The following PKNOX2 variants were observed in gnomAD, a reference collection of about 807,000 sequenced individuals.
PKNOX2 encodes the protein PBX/knotted 1 homeobox 2, also known as homeobox protein PKNOX2.
A neutral mutation model predicts 53.1 loss-of-function variants in PKNOX2; 14 were observed. That is an observed-to-expected ratio of 0.26 (90% CI 0.17 to 0.41). PKNOX2 has a LOEUF of 0.41. PKNOX2 is among the 10% of genes least tolerant of loss of function. PKNOX2 has a pLI of 1.00. For synonymous variants in PKNOX2, 257 were observed against 242.8 expected, an observed-to-expected ratio of 1.06 and a Z score of -0.54; for missense variants, 496 against 602.8, an observed-to-expected ratio of 0.82 and a Z score of 1.85.
chr11:125,198,432 T>G (rs889416555), intron 1 of PKNOX2, among the ~76,000 whole-genome samples: 3 of 152,186 alleles, frequency 2.0e-5, no homozygotes, highest in Non-Finnish European at 2.9e-5. Flanking sequence ...AGAAGGACGG[T>G]GCATGGGGAC....
At chr11:125,325,110 G>A (rs1011201932) in intron 2 of PKNOX2, among the ~76,000 whole-genome samples, 3 of 152,172 alleles carry the variant, frequency 2.0e-5, no homozygotes, top group Non-Finnish European at 4.4e-5. Context: ...GAATTAAAGC[G>A]GACATTTGCT....
chr11:125,208,539 G>A (rs76046954), intron 1 of PKNOX2, among the ~76,000 whole-genome samples: 3,083 of 152,186 alleles, frequency 0.02, 80 homozygotes, highest in East Asian at 0.07. Context: ...GTCTGGGAGT[G>A]AGAAGTAATG....
intron 1 of PKNOX2, among the ~76,000 whole-genome samples, chr11:125,233,589 T>C (rs1379073867): frequency 6.6e-6 from 1 of 152,190 alleles, no homozygotes; most frequent in Admixed American, 6.5e-5. Context: ...CAGTGGTTTG[T>C]AGTCCAGTGG....
chr11:125,291,066 C>G (rs1309708873), intron 2 of PKNOX2, among the ~76,000 whole-genome samples: 5 of 152,214 alleles, frequency 3.3e-5, no homozygotes, highest in African/African-American at 1.2e-4. Context: ...TCTCTTCCCA[C>G]TTCTTGCCCT....
In PKNOX2 at chr11:125,170,582, G is replaced by A. The variant is rs560493349; in HGVS notation, c.-201+5806G>A. Among the ~76,000 whole-genome samples, 8 of 152,312 alleles carry A rather than the reference G, an allele frequency of 5.3e-5. No homozygotes were observed. The East Asian group carries it at 5.8e-4, about 11-fold the overall frequency. ...CTTGAGAAGAGCTTGCTGCAAATGC[G>A]TTGTCTTCAAGGGGATCTGCTGTTT... On this transcript the variant is annotated intron_variant, in intron 1 of 12. Coordinates refer to ENST00000298282, the MANE Select transcript of PKNOX2 (RefSeq NM_001382323.2).
intron 2 of PKNOX2, among the ~76,000 whole-genome samples, chr11:125,313,064 T>C (rs10790733): frequency 0.34 from 52,201 of 151,828 alleles, 9,374 homozygotes; most frequent in East Asian, 0.49. Context: ...ACAGGGAGCT[T>C]AGACAGCAGG....
At chr11:125,333,131 T>G (rs1334508467) in intron 3 of PKNOX2, among the ~76,000 whole-genome samples, 1 of 152,172 alleles carries the variant, frequency 6.6e-6, no homozygotes, top group Non-Finnish European at 1.5e-5. Flanking sequence ...AGGAGTTCAC[T>G]GTAGACAGCA....
At chr11:125,353,179 AC>A (rs1394180188) in intron 4 of PKNOX2, among the ~76,000 whole-genome samples, 3 of 152,064 alleles carry the variant, frequency 2.0e-5, no homozygotes, top group Non-Finnish European at 4.4e-5. Flanking sequence ...AGAGATGGAG[AC>A]CCTTCCTGTA....
At chr11:125,367,807 C>A (rs999015422) in intron 4 of PKNOX2, 39 bp from the exon 5 acceptor site, 1 of 1,594,268 alleles carries the variant, frequency 6.3e-7, no homozygotes, top group Non-Finnish European at 8.5e-7. Flanking sequence ...AGCACCCTGG[C>A]CATGCTAACC....
At chr11:125,253,905 T>C (rs1246334486) in intron 2 of PKNOX2, among the ~76,000 whole-genome samples, 3 of 152,048 alleles carry the variant, frequency 2.0e-5, no homozygotes, top group Non-Finnish European at 4.4e-5. Context: ...GGGGCGGTTG[T>C]CAGGAACACA....
chr11:125,307,549 ACT>A (rs1226445909), intron 2 of PKNOX2, among the ~76,000 whole-genome samples: 1 of 152,136 alleles, frequency 6.6e-6, no homozygotes, highest in African/African-American at 2.4e-5. Flanking sequence ...AAAGAGTGAA[ACT>A]CTGTCTCAAA....
At chr11:125,180,330 G>A (rs780757415) in intron 1 of PKNOX2, among the ~76,000 whole-genome samples, 6 of 152,106 alleles carry the variant, frequency 3.9e-5, no homozygotes, top group South Asian at 2.1e-4. Flanking sequence ...GCTCTAATCC[G>A]GAATAGTACT....
At chr11:125,204,338 T>C (rs1938813948) in intron 1 of PKNOX2, among the ~76,000 whole-genome samples, 1 of 152,196 alleles carries the variant, frequency 6.6e-6, no homozygotes, top group South Asian at 2.1e-4. Flanking sequence ...CGTGTTAAGA[T>C]GCAGATTCTG....
intron 2 of PKNOX2, chr11:125,331,588 T>A (rs929202542): frequency 6.6e-6 from 1 of 152,272 alleles, no homozygotes; most frequent in Non-Finnish European, 1.5e-5. Flanking sequence ...CAATAGGGCG[T>A]GTTCAACAGT....
intron 4 of PKNOX2, among the ~76,000 whole-genome samples, chr11:125,361,032 G>A (rs1265628323): frequency 1.3e-5 from 2 of 152,218 alleles, no homozygotes; most frequent in African/African-American, 4.8e-5. Context: ...TATGTGGTCA[G>A]GAACTGTAGA....
intron 2 of PKNOX2, among the ~76,000 whole-genome samples, chr11:125,290,425 T>A (rs183426171): frequency 6.6e-6 from 1 of 152,054 alleles, no homozygotes; most frequent in Admixed American, 6.5e-5. Flanking sequence ...AGACTGAGGG[T>A]TTTTTACATC....
intron 1 of PKNOX2, among the ~76,000 whole-genome samples, chr11:125,208,025 T>G (rs377626633): frequency 9.2e-5 from 14 of 152,158 alleles, no homozygotes; most frequent in East Asian, 5.8e-4. Flanking sequence ...CAAATGTAAG[T>G]AGCTGTAATG....
At chr11:125,186,655 A>C (rs969884678) in intron 1 of PKNOX2, among the ~76,000 whole-genome samples, 1 of 152,232 alleles carries the variant, frequency 6.6e-6, no homozygotes, top group Non-Finnish European at 1.5e-5. Flanking sequence ...TGGTCTCAAA[A>C]AAACAAACAA....
intron 5 of PKNOX2, among the ~76,000 whole-genome samples, chr11:125,373,044 A>G (rs935096395): frequency 6.6e-6 from 1 of 152,208 alleles, no homozygotes; most frequent in African/African-American, 2.4e-5. Flanking sequence ...ACTATCCTAA[A>G]GGTCACGGAA....
Sources: allele counts gnomAD v4.1 joint callset (sites outside exome capture counted in the v4.1 genomes callset), GRCh38; gene constraint gnomAD v4.1.1; transcripts MANE v1.5; gene names NCBI Gene and HGNC (gene_info 2026-07-23, HGNC 2026-07-21).